Variants in CFAP77 observed in about 807,000 individuals in gnomAD.
CFAP77 encodes cilia- and flagella-associated protein 77.
CFAP77 carries 25 observed loss-of-function variants against 31.1 expected under a neutral mutation model. The ratio of observed to expected loss-of-function variants is 0.80; its 90% CI spans 0.59 to 1.12. The LOEUF is 1.12. Ranked by LOEUF, CFAP77 falls within the 50% of genes most tolerant of loss-of-function variation. The probability of loss-of-function intolerance (pLI) is 0.00; values close to 1 mark genes in which losing one functional copy is unlikely to be tolerated. For missense variants in CFAP77, 377 were observed against 397.3 expected, an observed-to-expected ratio of 0.95 and a Z score of 0.44; for synonymous variants, 151 against 159.9, an observed-to-expected ratio of 0.94 and a Z score of 0.42.
intron 1 of CFAP77, among the ~76,000 whole-genome samples, chr9:132,466,976 G>C (rs1851161320): frequency 6.6e-6 from 1 of 152,168 alleles, no homozygotes; most frequent in Non-Finnish European, 1.5e-5. Context: ...TCAGGAGTTT[G>C]AGACCAGCCC....
chr9:132,468,807 A>ACG lies in CFAP77; in HGVS notation c.196-29887_196-29886insGC, dbSNP rs1340137877. 3.3e-5 allele frequency among the ~76,000 whole-genome samples: 5 copies of ACG among 150,890 alleles called. No individual in the cohort carries two copies. The East Asian group carries it at 5.8e-4, about 18-fold the overall frequency. On this transcript the variant is annotated intron_variant, in intron 1 of 5. Transcript: ENST00000393216. ...CACACACACGCACACACACACACAC[A>ACG]CACGCACGCACACACGGCACCCATG...
rs573646924 is a variant in CFAP77, at chr9:132,428,620, A to G, written c.195+18154A>G. Among the ~76,000 whole-genome samples, 5 of 152,156 alleles carry G rather than the reference A, an allele frequency of 3.3e-5. 1 individual carries two copies. The South Asian group carries it at 1.0e-3, about 32-fold the overall frequency. ...ACAGAGCGAGACTCTGTCTCAAAAA[A>G]CAAACAAATAAACAAACAAACACCC... is the stretch of plus-strand genomic sequence containing the variant. On this transcript the variant is annotated intron_variant, in intron 1 of 5. Transcript: ENST00000393216.
intron 3 of CFAP77, among the ~76,000 whole-genome samples, chr9:132,534,340 C>T (rs754955557): frequency 2.6e-5 from 4 of 152,072 alleles, no homozygotes; most frequent in South Asian, 2.1e-4. Context: ...CGGCCGGGCA[C>T]GGTGGCTCAT....
chr9:132,471,172 G>A (rs1851246955), intron 1 of CFAP77, among the ~76,000 whole-genome samples: 1 of 152,198 alleles, frequency 6.6e-6, no homozygotes, highest in Non-Finnish European at 1.5e-5. Flanking sequence ...AGCAGTTAGA[G>A]CAATGTAATC....
At position 132,529,518 on chromosome 9, in the gene CFAP77, AAC is replaced by A. The variant is rs1412228622; in HGVS notation, c.525-8081_525-8080del. Among the ~76,000 whole-genome samples, 26 of 117,958 alleles carry A rather than the reference AAC, an allele frequency of 2.2e-4. 2 individuals are homozygous for A. The East Asian group carries it at 4.9e-3, about 22-fold the overall frequency. 77.4% of individuals were successfully genotyped at this position (117,958 alleles called of 152,430 possible). On this transcript the variant is annotated intron_variant, in intron 3 of 5. Transcript: ENST00000393216. ...AACTTAGAGTATAATAAAAAAAAAA[AAC>A]AAAAAAAAAACTAAACACATACTTG... is the stretch of plus-strand genomic sequence containing the variant.
intron 3 of CFAP77, among the ~76,000 whole-genome samples, chr9:132,531,628 G>GGGC (rs1554748494): frequency 1.4e-5 from 2 of 144,740 alleles, no homozygotes; most frequent in African/African-American, 5.6e-5. Flanking sequence ...TAAGACATGG[G>GGGC]GGGGGGGGCA....
chr9:132,570,129 G>A (rs565743423), intron 5 of CFAP77, among the ~76,000 whole-genome samples: 1 of 152,216 alleles, frequency 6.6e-6, no homozygotes, highest in South Asian at 2.1e-4. Flanking sequence ...GGTGTCACTA[G>A]AAGCCCTTTG....
chr9:132,470,098 C>T (rs565862976), intron 1 of CFAP77, among the ~76,000 whole-genome samples: 101 of 152,270 alleles, frequency 6.6e-4, no homozygotes, highest in African/African-American at 2.2e-3. Flanking sequence ...CTCAGCCTCC[C>T]AAAGTGCTGG....
chr9:132,427,909 T>C (rs1850344065), intron 1 of CFAP77, among the ~76,000 whole-genome samples: 1 of 152,216 alleles, frequency 6.6e-6, no homozygotes, highest in South Asian at 2.1e-4. Context: ...GAGTTAGGAC[T>C]TCAGCGTATG....
chr9:132,471,537 C>T (rs181745969), intron 1 of CFAP77, among the ~76,000 whole-genome samples: 5 of 152,132 alleles, frequency 3.3e-5, no homozygotes, highest in African/African-American at 1.2e-4. Flanking sequence ...CAGAGTTTCA[C>T]GTTTCTTTCA....
In CFAP77 at chr9:132,410,402, G is replaced by A. The variant is rs755949051; in HGVS notation, c.131G>A (p.Gly44Asp). ...CTGACCGTGGCGGACATCCGTTCCG[G>A]CATGGAGAACGAGCGGCTGGGGGTC... Reference protein sequence around the residue: ...RPLTVADIRSGMENERLGVVR... With the variant: ...RPLTVADIRSDMENERLGVVR... The change falls in exon 1 of 6, where the codon GGC (glycine) becomes GAC (aspartate). Residue 44 changes from glycine (G) to aspartate (D), a missense_variant. Coordinates refer to ENST00000393216, the MANE Select transcript of CFAP77 (RefSeq NM_001282957.2). The A allele has an allele frequency of 1.2e-6, 2 of 1,601,914 alleles. No homozygotes were observed. Among genetic ancestry groups the A allele is most frequent in the Admixed American group, 1.7e-5 (1 of 59,490 alleles).
intron 3 of CFAP77, among the ~76,000 whole-genome samples, chr9:132,533,054 T>C (rs1025685121): frequency 3.3e-5 from 5 of 152,158 alleles, no homozygotes; most frequent in Non-Finnish European, 7.3e-5. Context: ...TTTGGGAGGC[T>C]CAGAGCCTGG....
rs984841157 is a variant in CFAP77 at position 132,514,028 on chromosome 9, C to T, written c.524+14428C>T. On this transcript the variant is annotated intron_variant, in intron 3 of 5. Transcript: ENST00000393216. Reference sequence around the variant, plus strand: ...GACCCTTCCCCTGTGTCACTGAACACGGGTGACAGTGAGGAGATCCCCCCG... The same window carrying T: ...GACCCTTCCCCTGTGTCACTGAACATGGGTGACAGTGAGGAGATCCCCCCG... Among the ~76,000 whole-genome samples, 45 of 145,968 alleles carry T rather than the reference C, an allele frequency of 3.1e-4. 1 individual carries two copies. Among genetic ancestry groups the T allele is most frequent in the African/African-American group, 8.2e-4 (33 of 40,262 alleles).
rs1251544259 is a variant in CFAP77 at position 132,511,826 on chromosome 9, C to G, written c.524+12226C>G. 6.6e-6 allele frequency among the ~76,000 whole-genome samples: 1 copy of G among 152,170 alleles called. No individual in the cohort carries two copies. Among genetic ancestry groups the G allele is most frequent in the African/African-American group, 2.4e-5 (1 of 41,452 alleles). On this transcript the variant is annotated intron_variant, in intron 3 of 5. Coordinates refer to ENST00000393216, the MANE Select transcript of CFAP77 (RefSeq NM_001282957.2). This position sits in a 1 kb window ranked among gnomAD's most constrained non-coding sequence, Gnocchi z 5.8. ...ATCCCAGCACTGTGGGAGGCTGAGG[C>G]GGGCGGATCACGAGGTCAGGAGTTC...
intron 3 of CFAP77, among the ~76,000 whole-genome samples, chr9:132,533,371 G>A (rs1192786369): frequency 1.3e-5 from 2 of 152,118 alleles, no homozygotes; most frequent in Non-Finnish European, 2.9e-5. Flanking sequence ...CCATGAACTT[G>A]GTGGCTTACC....
chr9:132,559,654 A>G (rs1852963751), intron 5 of CFAP77, among the ~76,000 whole-genome samples: 1 of 152,222 alleles, frequency 6.6e-6, no homozygotes, highest in Non-Finnish European at 1.5e-5. Flanking sequence ...GAGCTCCCGT[A>G]TCACCCAGAA....
At chr9:132,543,404 G>C (rs1421155418) in intron 5 of CFAP77, among the ~76,000 whole-genome samples, 3 of 152,170 alleles carry the variant, frequency 2.0e-5, no homozygotes, top group Non-Finnish European at 4.4e-5. Context: ...CTGTAGAGGA[G>C]GCTGTCCACC....
At chr9:132,420,262 G>A (rs1375579345) in intron 1 of CFAP77, among the ~76,000 whole-genome samples, 8 of 151,954 alleles carry the variant, frequency 5.3e-5, no homozygotes, top group African/African-American at 9.7e-5. Flanking sequence ...CAGCGCAGAC[G>A]GCTGATGAGG....
chr9:132,470,719 T>C lies in CFAP77; in HGVS notation c.196-27976T>C, dbSNP rs574308664. ...CTTTGTGCGCCCGTTTAAAAGATTA[T>C]TTAATGTGGCCGGGCACGGTGGCTT... On this transcript the variant is annotated intron_variant, in intron 1 of 5. Coordinates refer to ENST00000393216, the MANE Select transcript of CFAP77 (RefSeq NM_001282957.2). Among the ~76,000 whole-genome samples the C allele has an allele frequency of 2.6e-5, 4 of 152,322 alleles. No homozygotes were observed. In the East Asian group the frequency reaches 7.7e-4, roughly 29 times the overall value.
Sources: allele counts gnomAD v4.1 joint callset (sites outside exome capture counted in the v4.1 genomes callset), GRCh38; gene constraint gnomAD v4.1.1; non-coding constraint Gnocchi (gnomAD v3.1); transcripts MANE v1.5; gene names NCBI Gene and HGNC (gene_info 2026-07-23, HGNC 2026-07-21).